Variants in TPTE observed in about 807,000 individuals in gnomAD.
TPTE encodes putative tyrosine-protein phosphatase TPTE.
TPTE carries 59 observed loss-of-function variants against 84.1 expected under a neutral mutation model. The ratio of observed to expected loss-of-function variants is 0.70; its 90% confidence interval spans 0.57 to 0.87. The LOEUF is 0.87. TPTE is among the 40% of genes least tolerant of loss of function. The pLI, the probability that TPTE is intolerant of heterozygous loss-of-function variation, is 0.00. For synonymous variants in TPTE, 130 were observed against 223.5 expected (o/e 0.58, Z 3.73); for missense variants, 382 against 659.6 (o/e 0.58, Z 4.61).
At chr21:10,573,804 A>G (rs1168233217) in intron 14 of TPTE, among the ~76,000 whole-genome samples, 1 of 152,312 alleles carries the variant, frequency 6.6e-6, no homozygotes, top group Non-Finnish European at 1.5e-5. Flanking sequence ...GTGGTCTCTC[A>G]TTCTCCAGTA....
At chr21:10,600,094 G>A (rs7276771) in intron 21 of TPTE, among the ~76,000 whole-genome samples, 7 of 151,714 alleles carry the variant, frequency 4.6e-5, no homozygotes, top group Non-Finnish European at 8.8e-5. Flanking sequence ...CATGAGCCAC[G>A]CTGCCCGACA....
chr21:10,578,308 A>G (rs2075201871), intron 15 of TPTE, 29 bp from the exon 16 acceptor site: 1 of 1,611,138 alleles, frequency 6.2e-7, no homozygotes, highest in East Asian at 2.2e-5. Context: ...TTCCCTATAG[A>G]GATATGACAT....
chr21:10,562,035 CAG>C (rs1040366367), intron 10 of TPTE, among the ~76,000 whole-genome samples: 1 of 152,306 alleles, frequency 6.6e-6, no homozygotes, highest in Non-Finnish European at 1.5e-5. Flanking sequence ...TGCCTCAGAA[CAG>C]AGAGAGAGAC....
intron 8 of TPTE, among the ~76,000 whole-genome samples, chr21:10,558,158 A>G (rs1309367702): frequency 6.6e-6 from 1 of 152,312 alleles, no homozygotes; most frequent in East Asian, 1.9e-4. Context: ...TCTGTCATTG[A>G]TGGGTACCTA....
chr21:10,556,977 C>T (rs2074697343), intron 8 of TPTE, among the ~76,000 whole-genome samples: 1 of 152,306 alleles, frequency 6.6e-6, no homozygotes, highest in Non-Finnish European at 1.5e-5. Context: ...CAAAAATTTT[C>T]TCCCATTCCG....
At chr21:10,564,174 A>C (rs562835763) in intron 10 of TPTE, among the ~76,000 whole-genome samples, 5 of 152,294 alleles carry the variant, frequency 3.3e-5, no homozygotes, top group East Asian at 1.9e-4. Context: ...AAATAAAAAA[A>C]CCCATTGCTC....
In TPTE at chr21:10,584,024, G is replaced by T. The variant is rs1455944083; in HGVS notation, c.1027+5419G>T. ...TCAACTAGTCAAATTACAAACACTG[G>T]GTAGAAATTTGTTTGGAATTGCATT... On this transcript the variant is annotated intron_variant, in intron 17 of 23. Transcript: ENST00000618007. Among the ~76,000 whole-genome samples, 6 of 152,420 alleles carry T rather than the reference G, an allele frequency of 3.9e-5. No individual in the cohort carries two copies. In the South Asian group the frequency reaches 6.2e-4, roughly 16 times the overall value.
At chr21:10,572,065 A>G (rs571517096) in intron 14 of TPTE, among the ~76,000 whole-genome samples, 5 of 152,416 alleles carry the variant, frequency 3.3e-5, no homozygotes, top group African/African-American at 9.6e-5. Flanking sequence ...GATATGGCCA[A>G]AATCTAGGAA....
intron 17 of TPTE, among the ~76,000 whole-genome samples, chr21:10,579,533 A>C (rs1219789409): frequency 6.6e-6 from 1 of 152,306 alleles, no homozygotes; most frequent in African/African-American, 2.4e-5. Context: ...ACATCTTCAC[A>C]ATCCCCCAAG....
intron 14 of TPTE, among the ~76,000 whole-genome samples, chr21:10,574,834 A>T (rs4041888): frequency 4.7e-4 from 72 of 152,026 alleles, no homozygotes; most frequent in African/African-American, 1.6e-3. Context: ...AGGGCTGTGG[A>T]TCTGATACAC....
chr21:10,568,503 C>T (rs1447645022), intron 11 of TPTE, among the ~76,000 whole-genome samples: 1 of 152,312 alleles, frequency 6.6e-6, no homozygotes, highest in African/African-American at 2.4e-5. Context: ...AATGAAAGAG[C>T]AAATGTATAC....
At chr21:10,558,339 C>T (rs1360889391) in intron 8 of TPTE, among the ~76,000 whole-genome samples, 1 of 152,310 alleles carries the variant, frequency 6.6e-6, no homozygotes, top group East Asian at 1.9e-4. Context: ...GTACTTTTTA[C>T]AGTGATTGAA....
chr21:10,605,606 C>A lies in TPTE; in HGVS notation c.*54C>A. On this transcript the variant is annotated 3_prime_UTR_variant, in exon 24 of 24. Transcript: ENST00000618007. ...AGAATTATGTTCTTTCCAACCCTGCCACATGTTCATATATCCTAAATCTAT... is the reference window on the plus strand; with the variant it reads ...AGAATTATGTTCTTTCCAACCCTGCAACATGTTCATATATCCTAAATCTAT... The A allele has an allele frequency of 1.2e-6, 2 of 1,613,166 alleles. No individual in the cohort carries two copies. The highest frequency in any genetic ancestry group is 4.5e-5 in the East Asian group (2 of 44,876).
chr21:10,542,607 T>TCATCCATC (rs1398778751), intron 6 of TPTE, among the ~76,000 whole-genome samples, 159 bp downstream of exon 6: 3 of 152,176 alleles, frequency 2.0e-5, no homozygotes, highest in Non-Finnish European at 2.9e-5. Context: ...ATCCATCCAT[T>TCATCCATC]CATCCATCCA....
chr21:10,548,618 A>G (rs2074516158), intron 7 of TPTE, among the ~76,000 whole-genome samples: 2 of 152,428 alleles, frequency 1.3e-5, no homozygotes, highest in South Asian at 2.1e-4. Flanking sequence ...CTGAGAAGTC[A>G]TTTGACTGTA....
intron 7 of TPTE, among the ~76,000 whole-genome samples, chr21:10,547,285 C>T (rs1218967504): frequency 2.6e-5 from 4 of 152,308 alleles, no homozygotes; most frequent in Non-Finnish European, 5.9e-5. Context: ...AAGGGATAGT[C>T]CTGGAGTGCA....
chr21:10,564,443 G>T (rs1042497364), intron 10 of TPTE, among the ~76,000 whole-genome samples: 1 of 152,310 alleles, frequency 6.6e-6, no homozygotes, highest in South Asian at 2.1e-4. Context: ...CTGGGAGGCA[G>T]AGGTTGCAGT....
At chr21:10,591,568 A>G (rs2075477090) in intron 18 of TPTE, among the ~76,000 whole-genome samples, 1 of 152,312 alleles carries the variant, frequency 6.6e-6, no homozygotes, top group Non-Finnish European at 1.5e-5. Flanking sequence ...TCCTAGGTTT[A>G]TTAATGTGGA....
chr21:10,549,364 T>G (rs930945008), intron 7 of TPTE, among the ~76,000 whole-genome samples: 1 of 152,296 alleles, frequency 6.6e-6, no homozygotes, highest in African/African-American at 2.4e-5. Flanking sequence ...TATCCAGTAA[T>G]AGAACCTAAT....
Sources: allele counts gnomAD v4.1 joint callset (sites outside exome capture counted in the v4.1 genomes callset), GRCh38; gene constraint gnomAD v4.1.1; transcripts MANE v1.5; gene names NCBI Gene and HGNC (gene_info 2026-07-23, HGNC 2026-07-21).